Variants in KLF13 observed in about 807,000 individuals in gnomAD.
KLF13 encodes the protein KLF transcription factor 13.
A neutral mutation model predicts 16.7 loss-of-function variants in KLF13; 8 were observed. The observed-to-expected ratio is 0.48, with a 90% CI of 0.28 to 0.87. The LOEUF (loss-of-function observed/expected upper bound fraction) is 0.87, where lower values mean the gene tolerates loss of function less well. Ranked by LOEUF, KLF13 falls within the 40% of genes least tolerant of loss-of-function variation. KLF13 has a pLI of 0.10. For missense variants in KLF13, 447 were observed against 452.2 expected, an observed-to-expected ratio of 0.99 and a Z score of 0.10; for synonymous variants, 245 against 208.4, an observed-to-expected ratio of 1.18 and a Z score of -1.51.
At chr15:31,379,789 G>C (rs747343513), downstream of KLF13, among the ~76,000 whole-genome samples, 9 of 152,174 alleles carry the variant, frequency 5.9e-5, no homozygotes, top group Non-Finnish European at 1.2e-4. Flanking sequence ...CTGGAGGCAG[G>C]CCTGAGAGGC....
intron 1 of KLF13, among the ~76,000 whole-genome samples, chr15:31,338,396 T>C (rs2038966333): frequency 6.6e-6 from 1 of 152,216 alleles, no homozygotes; most frequent in African/African-American, 2.4e-5. Context: ...TGGTCAGCCA[T>C]GCAGCCAAGT....
At chr15:31,418,635 A>G (rs2040284714) in intron 1 of KLF13, among the ~76,000 whole-genome samples, 1 of 152,214 alleles carries the variant, frequency 6.6e-6, no homozygotes, top group South Asian at 2.1e-4. Context: ...AGTTAACTGA[A>G]AAAATGCTAA....
At chr15:31,401,933 A>G (rs2040043063) in intron 2 of KLF13, among the ~76,000 whole-genome samples, 1 of 152,214 alleles carries the variant, frequency 6.6e-6, no homozygotes, top group South Asian at 2.1e-4. Flanking sequence ...GCCTAGAGTC[A>G]AGAGGAAGAA....
chr15:31,377,766 G>A lies in KLF13; in HGVS notation c.*5467G>A, dbSNP rs2039673930. ...TAAAACTTTGTATGTATTTTGTATGGCATAGATTCTATATTGTAATGATGT... is the reference window on the plus strand; with the variant it reads ...TAAAACTTTGTATGTATTTTGTATGACATAGATTCTATATTGTAATGATGT... On this transcript the variant is annotated 3_prime_UTR_variant, in exon 2 of 2. Coordinates refer to ENST00000307145, the MANE Select transcript of KLF13 (RefSeq NM_015995.4). 1 of 152,518 alleles carries A rather than the reference G, an allele frequency of 6.6e-6. No homozygotes were observed. Among genetic ancestry groups the A allele is most frequent in the Non-Finnish European group, 1.5e-5 (1 of 68,028 alleles). The allele number at this position is 152,518 out of a possible 1,614,324, so 9.4% of individuals were successfully genotyped here.
intron 1 of KLF13, among the ~76,000 whole-genome samples, chr15:31,336,511 C>T (rs1202118175): frequency 6.6e-6 from 1 of 152,196 alleles, no homozygotes; most frequent in Non-Finnish European, 1.5e-5. Context: ...GAATTTCCTC[C>T]TCTGATAAAC....
chr15:31,424,744 A>C (rs904473233), intron 1 of KLF13, among the ~76,000 whole-genome samples: 1 of 152,174 alleles, frequency 6.6e-6, no homozygotes, highest in African/African-American at 2.4e-5. Flanking sequence ...TGCCACTTCT[A>C]TTCAACATAG....
chr15:31,327,439 C>T lies in KLF13; in HGVS notation c.227C>T (p.Pro76Leu). ...CTAGCGGACCTCAACCAGCAAGCGC[C>T]GGCGCCCGCCCCGGCGGAGCGCAGG... is the stretch of plus-strand genomic sequence containing the variant. Reference protein sequence around the residue: ...RILADLNQQAPAPAPAERREG... With the variant: ...RILADLNQQALAPAPAERREG... The change falls in exon 1 of 2, where the codon CCG (proline) becomes CTG (leucine). Residue 76 changes from proline to leucine, a missense_variant. Around this residue, in one of 2 missense-constraint regions of KLF13, gnomAD observed 359 missense variants for 282.8 expected, o/e 1.27. Transcript: ENST00000307145. The T allele has an allele frequency of 1.7e-6, 2 of 1,203,080 alleles. No homozygotes were observed. The highest frequency in any genetic ancestry group is 2.6e-5 in the South Asian group (1 of 38,458). The allele number at this position is 1,203,080 out of a possible 1,614,324, so 74.5% of individuals were successfully genotyped here.
chr15:31,400,164 A>T (rs2040013964), intron 2 of KLF13, among the ~76,000 whole-genome samples: 1 of 152,022 alleles, frequency 6.6e-6, no homozygotes, highest in Admixed American at 6.6e-5. Flanking sequence ...CTCTCCCTCC[A>T]CCTGGCCTTC....
downstream of KLF13, among the ~76,000 whole-genome samples, chr15:31,405,337 GA>G (rs1298197867): frequency 1.3e-5 from 2 of 152,156 alleles, no homozygotes; most frequent in South Asian, 4.1e-4. Flanking sequence ...GAAAAAAAAA[GA>G]AAAGAGCTTG....
chr15:31,336,550 C>A (rs924537069), intron 1 of KLF13, among the ~76,000 whole-genome samples: 1 of 152,176 alleles, frequency 6.6e-6, no homozygotes, highest in Non-Finnish European at 1.5e-5. Context: ...TTGTCTTTAA[C>A]CCTTTTATTG....
Position 31,327,098 on chromosome 15 carries a change from C to A in KLF13, c.-115C>A, listed in dbSNP as rs2038722031. On this transcript the variant is annotated 5_prime_UTR_variant, in exon 1 of 2. Coordinates refer to ENST00000307145, the MANE Select transcript of KLF13 (RefSeq NM_015995.4). ...CGCGCCCAGCCCAGCCCAGCCCAGCCCGAGGAGAGGGCGCGCCGCGCCCCC... is the reference window on the plus strand; with the variant it reads ...CGCGCCCAGCCCAGCCCAGCCCAGCACGAGGAGAGGGCGCGCCGCGCCCCC... 2.1e-6 allele frequency: 2 copies of A among 966,082 alleles called. No individual in the cohort carries two copies. The highest frequency in any genetic ancestry group is 9.5e-5 in the East Asian group (2 of 20,994). 59.8% of individuals were successfully genotyped at this position (966,082 alleles called of 1,614,324 possible).
intron 1 of KLF13, among the ~76,000 whole-genome samples, chr15:31,348,137 T>A (rs2039155783): frequency 6.6e-6 from 1 of 152,166 alleles, no homozygotes; most frequent in African/African-American, 2.4e-5. Context: ...GCAGGCTTTG[T>A]GGGAAGAAAG....
intron 1 of KLF13, among the ~76,000 whole-genome samples, chr15:31,365,045 C>A (rs6493623): frequency 0.82 from 124,402 of 152,132 alleles, 51,074 homozygotes; most frequent in South Asian, 0.91. Context: ...GAACAGTCTT[C>A]CTGGAGTGAA....
intron 1 of KLF13, among the ~76,000 whole-genome samples, chr15:31,421,519 G>A (rs2040323286): frequency 1.3e-5 from 2 of 152,078 alleles, no homozygotes; most frequent in South Asian, 4.1e-4. Flanking sequence ...TAAAGTAGGG[G>A]AGATGTAAAA....
chr15:31,402,721 C>T (rs534601503), intron 2 of KLF13, among the ~76,000 whole-genome samples: 42 of 152,316 alleles, frequency 2.8e-4, no homozygotes, highest in South Asian at 1.5e-3. Flanking sequence ...AGCTTATCAC[C>T]AGACACTCAG....
chr15:31,382,966 T>A (rs540595461), intron 1 of KLF13, among the ~76,000 whole-genome samples: 1 of 152,316 alleles, frequency 6.6e-6, no homozygotes, highest in South Asian at 2.1e-4. Context: ...CCCTGCCCCA[T>A]CATAATGTCT....
chr15:31,330,780 CA>C (rs2038815974), intron 1 of KLF13, among the ~76,000 whole-genome samples: 1 of 152,240 alleles, frequency 6.6e-6, no homozygotes, highest in Non-Finnish European at 1.5e-5. Context: ...CGTAATAACA[CA>C]AAACCAAGAA....
chr15:31,340,008 CTTTG>C (rs1434202670), intron 1 of KLF13: 4 of 702,266 alleles, frequency 5.7e-6, no homozygotes, highest in African/African-American at 1.7e-5. Flanking sequence ...AGGGAAGTGG[CTTTG>C]TTTATTTTAC....
intron 1 of KLF13, among the ~76,000 whole-genome samples, chr15:31,354,011 G>T (rs2039260373): frequency 6.6e-6 from 1 of 152,230 alleles, no homozygotes; most frequent in African/African-American, 2.4e-5. Context: ...AGGTTGTAGT[G>T]TGGGGTCAGA....
Sources: allele counts gnomAD v4.1 joint callset (sites outside exome capture counted in the v4.1 genomes callset), GRCh38; gene constraint gnomAD v4.1.1; regional missense constraint gnomAD v4.1.1; transcripts MANE v1.5; gene names NCBI Gene and HGNC (gene_info 2026-07-23, HGNC 2026-07-21).